LATS2: variants seen among roughly 807,000 people sequenced by gnomAD.
The protein encoded by LATS2 is large tumor suppressor kinase 2, also known as serine/threonine-protein kinase LATS2.
LATS2 carries 24 observed loss-of-function variants against 76.0 expected under a neutral mutation model. The observed-to-expected ratio is 0.32, with a 90% CI of 0.23 to 0.44. LATS2 has a LOEUF of 0.44. Ranked by LOEUF, LATS2 falls within the 20% of genes least tolerant of loss-of-function variation. LATS2 has a pLI of 1.00. For missense variants in LATS2, 1,286 were observed against 1,481.2 expected (o/e 0.87, Z 2.16); for synonymous variants, 692 against 635.4 (o/e 1.09, Z -1.34).
chr13:20,985,096 G>C (rs1246453888), intron 4 of LATS2, among the ~76,000 whole-genome samples: 1 of 152,196 alleles, frequency 6.6e-6, no homozygotes, highest in African/African-American at 2.4e-5. Flanking sequence ...GCAGAAGAAT[G>C]AAACTAGACC....
chr13:21,035,074 G>A (rs1872650097), intron 2 of LATS2, among the ~76,000 whole-genome samples: 1 of 151,712 alleles, frequency 6.6e-6, no homozygotes, highest in East Asian at 1.9e-4. Flanking sequence ...CTATTGACAA[G>A]AACAAACCAA....
intron 1 of LATS2, among the ~76,000 whole-genome samples, chr13:21,046,738 C>T (rs1423983741): frequency 6.6e-6 from 1 of 152,128 alleles, no homozygotes; most frequent in Non-Finnish European, 1.5e-5. Flanking sequence ...TAAAACCCTC[C>T]CAATTTTCCT....
At chr13:21,060,199 A>G (rs1873582184) in intron 1 of LATS2, among the ~76,000 whole-genome samples, 1 of 152,076 alleles carries the variant, frequency 6.6e-6, no homozygotes, top group African/African-American at 2.4e-5. Flanking sequence ...CTTGCATTTC[A>G]CAAACGGGTT....
chr13:21,014,773 G>A (rs1443337050), intron 2 of LATS2, among the ~76,000 whole-genome samples: 1 of 152,246 alleles, frequency 6.6e-6, no homozygotes, highest in Non-Finnish European at 1.5e-5. Context: ...AAAAAAGAAT[G>A]TTTGTTGAGT....
At chr13:20,986,297 A>T (rs1049264168) in intron 4 of LATS2, among the ~76,000 whole-genome samples, 1 of 152,240 alleles carries the variant, frequency 6.6e-6, no homozygotes, top group Admixed American at 6.5e-5. Flanking sequence ...GGAAATCAGT[A>T]TATCAAAGGG....
intron 2 of LATS2, among the ~76,000 whole-genome samples, chr13:21,041,535 G>C (rs1872881595): frequency 2.6e-5 from 4 of 152,156 alleles, no homozygotes; most frequent in Admixed American, 2.0e-4. Flanking sequence ...GGAAATTACA[G>C]CTGACACAAT....
chr13:20,988,472 C>T lies in LATS2; in HGVS notation c.1308G>A (p.Thr436=), dbSNP rs766855723. The change falls in exon 4 of 8, where the codon ACG becomes ACA. Residue 436 remains threonine (T), a synonymous_variant. Transcript: ENST00000382592. ...LPAPNTVTAV[T]AAHILHPVKS... ...TCACCGGGTGCAAGATGTGCGCGGCCGTGACAGCCGTCACGGTGTTGGGGG... is the reference window on the plus strand; with the variant it reads ...TCACCGGGTGCAAGATGTGCGCGGCTGTGACAGCCGTCACGGTGTTGGGGG... 9 of 1,514,698 alleles carry T rather than the reference C, an allele frequency of 5.9e-6. No homozygotes were observed. The highest frequency in any genetic ancestry group is 7.9e-6 in the Non-Finnish European group (9 of 1,136,426). The allele number at this position is 1,514,698 out of a possible 1,614,324, so 93.8% of individuals were successfully genotyped here.
At chr13:21,045,371 G>A (rs895351353) in intron 2 of LATS2, among the ~76,000 whole-genome samples, 5 of 152,098 alleles carry the variant, frequency 3.3e-5, no homozygotes, top group Non-Finnish European at 7.3e-5. Context: ...AAAAAAAGGG[G>A]CTAAGCACGA....
chr13:21,016,335 G>A (rs1486970261), intron 2 of LATS2, among the ~76,000 whole-genome samples: 1 of 151,740 alleles, frequency 6.6e-6, no homozygotes, highest in Non-Finnish European at 1.5e-5. Context: ...CCCAGGCTCA[G>A]TACAGTGGCG....
At chr13:21,042,902 TG>T (rs767138604) in intron 2 of LATS2, among the ~76,000 whole-genome samples, 20 of 151,358 alleles carry the variant, frequency 1.3e-4, no homozygotes, top group Non-Finnish European at 1.6e-4. Context: ...GAGAATTGCT[TG>T]AACCTGGGAG....
intron 1 of LATS2, among the ~76,000 whole-genome samples, chr13:21,047,945 T>C (rs576090357): frequency 3.0e-4 from 45 of 152,294 alleles, no homozygotes; most frequent in African/African-American, 1.0e-3. Context: ...ACTAAATAAA[T>C]TTCTCAACAT....
intron 2 of LATS2, among the ~76,000 whole-genome samples, chr13:21,014,197 G>A (rs1320837732): frequency 8.5e-5 from 13 of 152,122 alleles, no homozygotes; most frequent in Non-Finnish European, 1.5e-5. Context: ...AGGCGCGCAG[G>A]TCACTCCCAG....
At chr13:21,030,905 CT>C (rs1284658597) in intron 2 of LATS2, among the ~76,000 whole-genome samples, 1 of 152,064 alleles carries the variant, frequency 6.6e-6, no homozygotes, top group Non-Finnish European at 1.5e-5. Flanking sequence ...TACAGGTCCC[CT>C]GGTAACAAAT....
intron 2 of LATS2, among the ~76,000 whole-genome samples, chr13:21,017,677 G>C (rs561786088): frequency 6.6e-6 from 1 of 151,720 alleles, no homozygotes; most frequent in Admixed American, 6.6e-5. Context: ...CCCAGGCTGG[G>C]GTTAGTGGCA....
At chr13:20,978,837 C>T (rs1353127685) in intron 7 of LATS2, among the ~76,000 whole-genome samples, 1 of 151,998 alleles carries the variant, frequency 6.6e-6, no homozygotes, top group Non-Finnish European at 1.5e-5. Context: ...TCTCGGCTCA[C>T]TGCATCCTCT....
intron 2 of LATS2, among the ~76,000 whole-genome samples, chr13:20,995,823 TC>T (rs1190756028): frequency 6.6e-6 from 1 of 152,218 alleles, no homozygotes; most frequent in African/African-American, 2.4e-5. Context: ...GTTCACAAAA[TC>T]TTAATGCTCT....
At chr13:21,049,370 G>A (rs772643289) in intron 1 of LATS2, among the ~76,000 whole-genome samples, 21 of 152,208 alleles carry the variant, frequency 1.4e-4, no homozygotes, top group Non-Finnish European at 2.9e-4. Flanking sequence ...GCAGCCCCGG[G>A]GAGCAAGGGG....
At position 20,975,167 on chromosome 13, in the gene LATS2, A is replaced by T; in HGVS notation, c.2970T>A (p.Val990=). ...TGTCCATGGGGTGGCTGATGGTGGGAACGTAGGGGGCTGGCTGCTTCCGGA... is the reference window on the plus strand; with the variant it reads ...TGTCCATGGGGTGGCTGATGGTGGGTACGTAGGGGGCTGGCTGCTTCCGGA... ...SDIRKQPAPY[V]PTISHPMDTS... Residue 990 remains valine, a synonymous_variant, in exon 8 of 8, where the codon GTT becomes GTA. Transcript: ENST00000382592. 1 of 1,614,004 alleles carries T rather than the reference A, an allele frequency of 6.2e-7. No homozygotes were observed. The highest frequency in any genetic ancestry group is 8.5e-7 in the Non-Finnish European group (1 of 1,180,000).
intron 3 of LATS2, among the ~76,000 whole-genome samples, chr13:20,990,303 T>A (rs1458513269): frequency 6.8e-6 from 1 of 147,676 alleles, no homozygotes; most frequent in African/African-American, 2.5e-5. Flanking sequence ...AGCTGGGGGC[T>A]ATTTAAGGAA....
Sources: gnomAD v4.1 joint callset for allele counts (sites outside exome capture counted in the v4.1 genomes callset) on GRCh38, gnomAD v4.1.1 for gene constraint, MANE v1.5 for transcripts, NCBI Gene and HGNC (gene_info 2026-07-23, HGNC 2026-07-21) for gene names.